Variants in PDE4B observed in about 807,000 individuals in gnomAD.
The protein encoded by PDE4B is 3',5'-cyclic-AMP phosphodiesterase 4B.
Under a neutral mutation model 82.2 loss-of-function variants are expected in PDE4B, and 20 were observed. The ratio of observed to expected loss-of-function variants is 0.24; its 90% CI spans 0.17 to 0.35. The LOEUF (loss-of-function observed/expected upper bound fraction) is 0.35, where lower values mean the gene tolerates loss of function less well. PDE4B is among the 10% of genes least tolerant of loss of function. The pLI, the probability that PDE4B is intolerant of heterozygous loss-of-function variation, is 1.00. For synonymous variants in PDE4B, 320 were observed against 318.9 expected (o/e 1.00, Z -0.04); for missense variants, 655 against 907.2 (o/e 0.72, Z 3.57).
intron 3 of PDE4B, among the ~76,000 whole-genome samples, chr1:66,192,883 C>T (rs547375399): frequency 2.0e-5 from 3 of 152,036 alleles, no homozygotes; most frequent in Non-Finnish European, 4.4e-5. Context: ...ATAATCATAC[C>T]TCAGTCTATC....
intron 3 of PDE4B, among the ~76,000 whole-genome samples, chr1:66,188,341 G>T (rs139390544): frequency 0.5 from 73,043 of 147,386 alleles, 19,440 homozygotes; most frequent in East Asian, 0.71. Flanking sequence ...TCTGTAGATA[G>T]CTATTAGGTC....
At chr1:66,205,701 G>C (rs934748122) in intron 3 of PDE4B, among the ~76,000 whole-genome samples, 1 of 152,224 alleles carries the variant, frequency 6.6e-6, no homozygotes, top group African/African-American at 2.4e-5. Context: ...TGCCAACAAT[G>C]TTGTGAAAGA....
intron 1 of PDE4B, among the ~76,000 whole-genome samples, chr1:65,810,014 G>A (rs1645801638): frequency 6.6e-6 from 1 of 152,204 alleles, no homozygotes; most frequent in Non-Finnish European, 1.5e-5. Context: ...GCAGCCAAGG[G>A]CTGCACTCTC....
intron 1 of PDE4B, among the ~76,000 whole-genome samples, chr1:65,868,545 A>T (rs1011454058): frequency 6.6e-6 from 1 of 152,154 alleles, no homozygotes; most frequent in African/African-American, 2.4e-5. Flanking sequence ...CTATTTATTC[A>T]TTCATTGAAT....
chr1:66,031,004 TG>T (rs1653742653), intron 3 of PDE4B, among the ~76,000 whole-genome samples: 2 of 152,186 alleles, frequency 1.3e-5, no homozygotes, highest in Admixed American at 6.5e-5. Context: ...AACCATCTGT[TG>T]GATATTATGC....
chr1:66,118,367 T>A (rs1645639516), intron 3 of PDE4B, among the ~76,000 whole-genome samples: 1 of 152,152 alleles, frequency 6.6e-6, no homozygotes, highest in Non-Finnish European at 1.5e-5. Flanking sequence ...GTGGCACATA[T>A]ACACCATGGA....
intron 7 of PDE4B, among the ~76,000 whole-genome samples, chr1:66,273,395 A>G (rs758851295): frequency 1.3e-5 from 2 of 152,266 alleles, no homozygotes; most frequent in Non-Finnish European, 2.9e-5. Flanking sequence ...AATTCTATAT[A>G]TCATCTGATT....
intron 3 of PDE4B, among the ~76,000 whole-genome samples, chr1:66,130,468 C>A (rs1339246902): frequency 6.6e-6 from 1 of 152,120 alleles, no homozygotes; most frequent in Non-Finnish European, 1.5e-5. Flanking sequence ...TATGATCAAT[C>A]CCATGTAGTG....
chr1:66,183,540 G>A (rs761750323), intron 3 of PDE4B, among the ~76,000 whole-genome samples: 11 of 152,006 alleles, frequency 7.2e-5, no homozygotes, highest in Non-Finnish European at 1.5e-4. Flanking sequence ...TTATTTATCC[G>A]ACAAGTTCCA....
intron 3 of PDE4B, among the ~76,000 whole-genome samples, chr1:65,966,594 A>G (rs563698377): frequency 5.3e-5 from 8 of 152,180 alleles, no homozygotes; most frequent in Non-Finnish European, 1.2e-4. Flanking sequence ...AGCCAAGACA[A>G]TCCTAAGCAA....
intron 3 of PDE4B, among the ~76,000 whole-genome samples, chr1:66,183,132 T>C (rs1647105490): frequency 6.6e-6 from 1 of 152,140 alleles, no homozygotes; most frequent in African/African-American, 2.4e-5. Context: ...CACCATTTCC[T>C]CCCCTTCTGT....
chr1:65,877,070 A>G (rs1263182217), intron 1 of PDE4B, among the ~76,000 whole-genome samples: 1 of 152,190 alleles, frequency 6.6e-6, no homozygotes, highest in Non-Finnish European at 1.5e-5. Context: ...TTTCATATGG[A>G]ACCAAAAAAG....
chr1:66,084,582 C>T (rs1325070911), intron 3 of PDE4B, among the ~76,000 whole-genome samples: 1 of 151,962 alleles, frequency 6.6e-6, no homozygotes, highest in Non-Finnish European at 1.5e-5. Context: ...TGGTTTAGAC[C>T]CCAAGAAACT....
chr1:66,263,862 C>A (rs538126441), intron 6 of PDE4B, among the ~76,000 whole-genome samples: 1 of 152,154 alleles, frequency 6.6e-6, no homozygotes, highest in Non-Finnish European at 1.5e-5. Context: ...TGAATAATGG[C>A]AGGAAAGGGG....
chr1:65,967,155 A>G (rs899770453), intron 3 of PDE4B, among the ~76,000 whole-genome samples: 8 of 152,236 alleles, frequency 5.3e-5, no homozygotes, highest in Non-Finnish European at 1.2e-4. Flanking sequence ...AAAGGCTAAT[A>G]TCCAGAATCT....
intron 4 of PDE4B, among the ~76,000 whole-genome samples, chr1:66,253,448 G>GT (rs1368909864): frequency 6.6e-6 from 1 of 152,144 alleles, no homozygotes; most frequent in Non-Finnish European, 1.5e-5. Flanking sequence ...TCAGTACTAA[G>GT]ACTGGAGTGC....
chr1:66,364,757 A>G (rs1351949673), intron 12 of PDE4B, among the ~76,000 whole-genome samples: 3 of 152,194 alleles, frequency 2.0e-5, no homozygotes, highest in African/African-American at 7.2e-5. Context: ...AGGCAACACT[A>G]TCTATCAACT....
intron 3 of PDE4B, among the ~76,000 whole-genome samples, chr1:65,933,643 C>T (rs1018354804): frequency 6.6e-6 from 1 of 151,918 alleles, no homozygotes; most frequent in African/African-American, 2.4e-5. Flanking sequence ...TGCATTCCAG[C>T]CCTGGCAACA....
intron 9 of PDE4B, 120 bp from the exon 10 acceptor site, chr1:66,361,495 C>T (rs1662764874): frequency 1.2e-5 from 9 of 731,320 alleles, no homozygotes; most frequent in Non-Finnish European, 2.0e-5. Context: ...TGAAATAGTG[C>T]TACAAGATTT....
Sources: gnomAD v4.1 joint callset for allele counts (sites outside exome capture counted in the v4.1 genomes callset) on GRCh38, gnomAD v4.1.1 for gene constraint, MANE v1.5 for transcripts, NCBI Gene and HGNC (gene_info 2026-07-23, HGNC 2026-07-21) for gene names.